FNBP1: variants seen among roughly 807,000 people sequenced by gnomAD.
FNBP1 encodes formin-binding protein 1.
FNBP1 carries 26 observed loss-of-function variants against 90.6 expected under a neutral mutation model. The observed-to-expected ratio is 0.29, with a 90% CI of 0.21 to 0.40. The LOEUF is 0.40. Among genes scored for constraint, FNBP1 ranks in the 10% least tolerant of loss-of-function variants. The pLI, the probability that FNBP1 is intolerant of heterozygous loss-of-function variation, is 1.00. For synonymous variants in FNBP1, 260 were observed against 265.2 expected (o/e 0.98, Z 0.19); for missense variants, 635 against 768.0 (o/e 0.83, Z 2.05).
intron 1 of FNBP1, among the ~76,000 whole-genome samples, chr9:130,025,461 C>T (rs1370321062): frequency 6.6e-6 from 1 of 152,058 alleles, no homozygotes; most frequent in Admixed American, 6.5e-5. Context: ...AATCAGTACT[C>T]CTAGGATCAC....
intron 6 of FNBP1, among the ~76,000 whole-genome samples, chr9:129,932,937 T>C (rs1462507709): frequency 6.6e-6 from 1 of 152,010 alleles, no homozygotes; most frequent in Non-Finnish European, 1.5e-5. Flanking sequence ...AGCTGCTGAG[T>C]TTCATCATGT....
intron 8 of FNBP1, 85 bp downstream of exon 8, chr9:129,927,110 T>C: frequency 7.2e-7 from 1 of 1,379,594 alleles, no homozygotes; most frequent in South Asian, 1.3e-5. Context: ...CATGAGATGA[T>C]GACATGAGGT....
Position 129,912,179 on chromosome 9 carries a change from T to C in FNBP1, c.1186-3180A>G, listed in dbSNP as rs115005474. On this transcript the variant is annotated intron_variant, in intron 11 of 16. Transcript: ENST00000446176. ...CCAGGTAGATAGCATCAGAATGGAA[T>C]TGAATTAAAGGACACCCAGCTAGTG... is the stretch of plus-strand genomic sequence containing the variant. 2.4e-3 allele frequency among the ~76,000 whole-genome samples: 365 copies of C among 152,118 alleles called. 1 individual carries two copies. Among genetic ancestry groups the C allele is most frequent in the African/African-American group, 8.4e-3 (350 of 41,510 alleles).
intron 6 of FNBP1, among the ~76,000 whole-genome samples, chr9:129,932,287 A>C (rs537868867): frequency 3.9e-5 from 6 of 152,154 alleles, no homozygotes; most frequent in African/African-American, 7.2e-5. Flanking sequence ...AGAAAGAAAA[A>C]GGAAGGAAGA....
chr9:130,006,739 T>G (rs1225865168), intron 1 of FNBP1, among the ~76,000 whole-genome samples: 2 of 152,184 alleles, frequency 1.3e-5, no homozygotes, highest in Non-Finnish European at 2.9e-5. Context: ...TAAGTCTGTT[T>G]CTGTTGCAGA....
chr9:129,958,985 C>CAAAAAAAAAAAGAAAAAA (rs2047367803), intron 4 of FNBP1, among the ~76,000 whole-genome samples: 1 of 9,154 alleles, frequency 1.1e-4, no homozygotes, highest in Non-Finnish European at 1.9e-4. Context: ...AACTCTGCCT[C>CAAAAAAAAAAAGAAAAAA]AAAAAAAAAA....
At chr9:130,051,771 C>T in the FNBP1 span, among the ~76,000 whole-genome samples, 3 of 152,062 alleles carry the variant, frequency 2.0e-5, no homozygotes, top group African/African-American at 7.2e-5. Flanking sequence ...GATGTCACAC[C>T]ACTGCACTCA....
chr9:129,991,902 G>A (rs1041639643), intron 2 of FNBP1, among the ~76,000 whole-genome samples: 2 of 151,964 alleles, frequency 1.3e-5, no homozygotes, highest in African/African-American at 4.8e-5. Context: ...TTCGTGATCC[G>A]CCCGCCTCAG....
At chr9:130,038,791 A>G (rs1458020655) in intron 1 of FNBP1, among the ~76,000 whole-genome samples, 1 of 152,166 alleles carries the variant, frequency 6.6e-6, no homozygotes, top group East Asian at 1.9e-4. Context: ...TTAGCACCAG[A>G]GCAAATAAAT....
intron 4 of FNBP1, among the ~76,000 whole-genome samples, chr9:129,964,983 A>G (rs181841443): frequency 1.8e-4 from 27 of 152,318 alleles, no homozygotes; most frequent in Admixed American, 1.4e-3. Context: ...AAGACTTGAA[A>G]AGGGCAAAGA....
At chr9:129,967,270 C>G (rs1331661020) in intron 4 of FNBP1, among the ~76,000 whole-genome samples, 3 of 152,172 alleles carry the variant, frequency 2.0e-5, no homozygotes, top group African/African-American at 7.2e-5. Flanking sequence ...GATCCCAGCA[C>G]TATGGGAGGC....
At chr9:129,956,210 T>A (rs1042478962) in intron 6 of FNBP1, among the ~76,000 whole-genome samples, 1 of 152,164 alleles carries the variant, frequency 6.6e-6, no homozygotes, top group African/African-American at 2.4e-5. Context: ...GAGAAAGGCA[T>A]ACTAATATTA....
At chr9:130,020,354 C>T (rs1486097360) in intron 1 of FNBP1, among the ~76,000 whole-genome samples, 1 of 152,020 alleles carries the variant, frequency 6.6e-6, no homozygotes, top group Non-Finnish European at 1.5e-5. Flanking sequence ...GGATTACAGG[C>T]GCCCGCCACC....
At chr9:130,052,545 G>A in the FNBP1 span, among the ~76,000 whole-genome samples, 4 of 151,946 alleles carry the variant, frequency 2.6e-5, no homozygotes, top group Non-Finnish European at 4.4e-5. Flanking sequence ...TGCTTCTCCT[G>A]CCTCAGCCTC....
intron 6 of FNBP1, among the ~76,000 whole-genome samples, chr9:129,952,453 A>G (rs924748518): frequency 1.3e-5 from 2 of 152,058 alleles, no homozygotes; most frequent in African/African-American, 4.8e-5. Context: ...AGTGGAGATC[A>G]TGCCACTGCA....
intron 1 of FNBP1, among the ~76,000 whole-genome samples, chr9:130,039,667 G>A (rs1244023008): frequency 3.7e-5 from 4 of 109,420 alleles, no homozygotes; most frequent in African/African-American, 1.5e-4. Context: ...CAAGAGCGAA[G>A]CTTTGTCTCA....
rs1394184431 is a variant in FNBP1, at chr9:129,957,124, G to A, written c.513+236C>T. Among the ~76,000 whole-genome samples the A allele has an allele frequency of 2.7e-5, 4 of 149,434 alleles. 1 individual carries two copies. The highest frequency in any genetic ancestry group is 9.9e-5 in the African/African-American group (4 of 40,478). ...GTGATCTTGGCTCACTGCAGCCAAC[G>A]CCTCCTGGGCTCAAGCGATTCTCCT... On this transcript the variant is annotated intron_variant, in intron 6 of 16. Coordinates refer to ENST00000446176, the MANE Select transcript of FNBP1 (RefSeq NM_015033.3). The surrounding 1 kb of genome is among the most constrained non-coding windows in gnomAD (Gnocchi z 4.3).
At chr9:129,944,419 T>A (rs1196674771) in intron 6 of FNBP1, among the ~76,000 whole-genome samples, 1 of 151,128 alleles carries the variant, frequency 6.6e-6, no homozygotes, top group African/African-American at 2.4e-5. Flanking sequence ...TGGGCGCCTG[T>A]AGTCCCAGCT....
Position 129,890,461 on chromosome 9 carries a change from G to A in FNBP1, c.*78C>T, listed in dbSNP as rs2034993346. 4.0e-6 allele frequency: 5 copies of A among 1,242,558 alleles called. No homozygotes were observed. Among genetic ancestry groups the A allele is most frequent in the Non-Finnish European group, 4.6e-6 (4 of 863,968 alleles). 77.0% of individuals were successfully genotyped at this position (1,242,558 alleles called of 1,614,324 possible). On this transcript the variant is annotated 3_prime_UTR_variant, in exon 17 of 17. Coordinates refer to ENST00000446176, the MANE Select transcript of FNBP1 (RefSeq NM_015033.3). This position sits in a 1 kb window ranked among gnomAD's most constrained non-coding sequence, Gnocchi z 5.8. Reference sequence around the variant, plus strand: ...GGAGGGGTGGGCTGTCCACAGGGCAGGGCGCTGGAGGCCTGTGGGAACAAG... The same window carrying A: ...GGAGGGGTGGGCTGTCCACAGGGCAAGGCGCTGGAGGCCTGTGGGAACAAG...
Sources: allele counts gnomAD v4.1 joint callset (sites outside exome capture counted in the v4.1 genomes callset), GRCh38; gene constraint gnomAD v4.1.1; non-coding constraint Gnocchi (gnomAD v3.1); transcripts MANE v1.5; gene names NCBI Gene and HGNC (gene_info 2026-07-23, HGNC 2026-07-21).